Variants in IRAK3 observed in about 807,000 individuals in gnomAD.
IRAK3 encodes interleukin-1 receptor-associated kinase 3.
A neutral mutation model predicts 56.6 loss-of-function variants in IRAK3; 57 were observed. The observed-to-expected ratio is 1.01, with a 90% confidence interval of 0.81 to 1.26. The LOEUF is 1.26. IRAK3 is among the 50% of genes most tolerant of loss of function. The pLI is 0.00. For synonymous variants in IRAK3, 258 were observed against 255.7 expected (o/e 1.01, Z -0.09); for missense variants, 703 against 719.0 (o/e 0.98, Z 0.25).
chr12:66,231,060 G>A (rs1052393423), intron 8 of IRAK3, among the ~76,000 whole-genome samples: 1 of 152,208 alleles, frequency 6.6e-6, no homozygotes, highest in Admixed American at 6.5e-5. Context: ...ATCCTGACTG[G>A]TTGAGAAGTG....
chr12:66,243,732 TG>T (rs1202739661), intron 8 of IRAK3, among the ~76,000 whole-genome samples: 2 of 152,178 alleles, frequency 1.3e-5, no homozygotes, highest in Non-Finnish European at 2.9e-5. Context: ...TGGGTGGTCA[TG>T]GAGCCAGGGA....
chr12:66,217,470 G>C (rs1221920353), intron 6 of IRAK3, among the ~76,000 whole-genome samples: 2 of 152,128 alleles, frequency 1.3e-5, no homozygotes, highest in Non-Finnish European at 2.9e-5. Flanking sequence ...CAAGGAAGTA[G>C]GTTAAATCAT....
chr12:66,244,330 G>C (rs1035685729), intron 8 of IRAK3, among the ~76,000 whole-genome samples, 156 bp from the exon 9 acceptor site: 3 of 152,206 alleles, frequency 2.0e-5, no homozygotes, highest in Non-Finnish European at 2.9e-5. Flanking sequence ...TAAGAAAAAT[G>C]AAAGAATGTT....
Position 66,208,855 on chromosome 12 carries a change from G to A in IRAK3, c.317-601G>A, listed in dbSNP as rs113152531. Among the ~76,000 whole-genome samples, 374 of 152,080 alleles carry A rather than the reference G, an allele frequency of 2.5e-3. 2 individuals are homozygous for A. Among genetic ancestry groups the A allele is most frequent in the African/African-American group, 8.8e-3 (367 of 41,512 alleles). ...GAGGCAGGCAGATCTCTTGAGGCCA[G>A]GAGTTCGAGACTAGCCTGGCCAACA... On this transcript the variant is annotated intron_variant, in intron 2 of 11. Transcript: ENST00000261233.
At chr12:66,241,014 G>A (rs1592602228) in intron 8 of IRAK3, among the ~76,000 whole-genome samples, 1 of 151,998 alleles carries the variant, frequency 6.6e-6, no homozygotes, top group African/African-American at 2.4e-5. Context: ...TTAATTAGGA[G>A]ATAAACTGGT....
intron 8 of IRAK3, chr12:66,233,943 A>G (rs556958023): frequency 9.5e-7 from 1 of 1,054,090 alleles, no homozygotes; most frequent in East Asian, 2.6e-5. Flanking sequence ...ATTTCGTTAT[A>G]AATAACGTTT....
At chr12:66,196,996 C>G (rs1270174008) in intron 1 of IRAK3, 1 of 1,534,200 alleles carries the variant, frequency 6.5e-7, no homozygotes, top group Non-Finnish European at 8.7e-7. Flanking sequence ...TGAAAAAACC[C>G]CTTCAGAGAC....
chr12:66,236,395 C>CAAAAAAAAAAAAAAAAAAA, intron 8 of IRAK3, among the ~76,000 whole-genome samples: 1 of 110,412 alleles, frequency 9.1e-6, no homozygotes, highest in Non-Finnish European at 1.8e-5. Context: ...CTAAAAATAC[C>CAAAAAAAAAAAAAAAAAAA]AAAAAAAAAA....
intron 8 of IRAK3, among the ~76,000 whole-genome samples, chr12:66,235,419 C>T (rs1215222111): frequency 3.3e-5 from 5 of 151,202 alleles, no homozygotes; most frequent in African/African-American, 1.2e-4. Context: ...CTCCCTCTCG[C>T]CGCGCGGCGG....
chr12:66,241,311 G>A (rs940598999), intron 8 of IRAK3, among the ~76,000 whole-genome samples: 1 of 152,176 alleles, frequency 6.6e-6, no homozygotes, highest in African/African-American at 2.4e-5. Flanking sequence ...TTGAGGATAT[G>A]AACCATGGAT....
At chr12:66,237,033 A>ACC (rs1488328506) in intron 8 of IRAK3, among the ~76,000 whole-genome samples, 2 of 152,130 alleles carry the variant, frequency 1.3e-5, no homozygotes, top group East Asian at 3.9e-4. Flanking sequence ...ATCACTGGTT[A>ACC]AGAGTGTGGC....
intron 8 of IRAK3, chr12:66,234,057 T>G: frequency 6.2e-7 from 1 of 1,613,540 alleles, no homozygotes; most frequent in Non-Finnish European, 8.5e-7. Flanking sequence ...AGAACACCTT[T>G]CTGTACATCT....
chr12:66,246,120 T>A (rs1324874370), intron 11 of IRAK3, among the ~76,000 whole-genome samples: 3 of 152,038 alleles, frequency 2.0e-5, no homozygotes, highest in African/African-American at 7.2e-5. Context: ...GAATTCAGAA[T>A]ACACACCAGC....
At chr12:66,228,231 C>T (rs759607883) in intron 7 of IRAK3, 21 bp from the exon 8 acceptor site, 1 of 1,563,478 alleles carries the variant, frequency 6.4e-7, no homozygotes, top group East Asian at 2.2e-5. Flanking sequence ...GCAACCAAAC[C>T]AATTGCTGTT....
rs1339197757 is a variant in IRAK3, at chr12:66,244,994, C to T, written c.1133C>T (p.Pro378Leu). 5 of 1,613,504 alleles carry T rather than the reference C, an allele frequency of 3.1e-6. No individual in the cohort carries two copies. In the African/African-American group the frequency reaches 5.3e-5, roughly 17 times the overall value. The change falls in exon 10 of 12, where the codon CCA (proline) becomes CTA (leucine). Residue 378 changes from proline (P) to leucine (L), a missense_variant. Transcript: ENST00000261233. ...GGATGTAGAGTAGTGTTAGATGATC[C>T]AAAACATATCCAGCTGGTAAGAATT... is the stretch of plus-strand genomic sequence containing the variant. The part of the protein sequence containing the change: ...LTGCRVVLDD[P>L]KHIQLRDLLR...
chr12:66,217,044 C>T, intron 5 of IRAK3, 127 bp from the exon 6 acceptor site: 1 of 741,858 alleles, frequency 1.3e-6, no homozygotes. Context: ...GTCATCTCCC[C>T]AGAAAAGTGT....
At position 66,248,466 on chromosome 12, in the gene IRAK3, C is replaced by G. The variant is rs1041853849; in HGVS notation, c.*295C>G. On this transcript the variant is annotated 3_prime_UTR_variant, in exon 12 of 12. Transcript: ENST00000261233. ...TCTGACTTCAGCCAAACAAAACAAT[C>G]AAAACCTACCAAAAAGGGACTGGAT... is the stretch of plus-strand genomic sequence containing the variant. 3.6e-6 allele frequency: 1 copy of G among 276,552 alleles called. No homozygotes were observed. Among genetic ancestry groups the G allele is most frequent in the East Asian group, 7.2e-5 (1 of 13,882 alleles). 17.1% of individuals were successfully genotyped at this position (276,552 alleles called of 1,614,324 possible). A position where few individuals can be genotyped will look rare whatever the true frequency, so the allele number is the denominator to read the frequency against.
intron 1 of IRAK3, among the ~76,000 whole-genome samples, chr12:66,202,465 T>C (rs1010146723): frequency 2.6e-5 from 4 of 152,046 alleles, no homozygotes; most frequent in African/African-American, 7.2e-5. Context: ...CACAAAAAGA[T>C]AGGGCTTGTC....
chr12:66,237,194 G>A (rs1354982791), intron 8 of IRAK3, among the ~76,000 whole-genome samples: 1 of 152,108 alleles, frequency 6.6e-6, no homozygotes, highest in East Asian at 1.9e-4. Flanking sequence ...AGCATTGTGA[G>A]GAGGAAGTGA....
Sources: allele counts gnomAD v4.1 joint callset (sites outside exome capture counted in the v4.1 genomes callset), GRCh38; gene constraint gnomAD v4.1.1; transcripts MANE v1.5; gene names NCBI Gene and HGNC (gene_info 2026-07-23, HGNC 2026-07-21).